CMSS1: variants seen among roughly 807,000 people sequenced by gnomAD.
CMSS1 encodes cms1 ribosomal small subunit homolog, also known as protein CMSS1.
In CMSS1, 33 loss-of-function variants were observed where a neutral mutation model predicts 43.5. The observed-to-expected ratio is 0.76, with a 90% CI of 0.57 to 1.01. CMSS1 has a LOEUF of 1.01. Ranked by LOEUF, CMSS1 falls within the 50% of genes least tolerant of loss-of-function variation. The probability of loss-of-function intolerance (pLI) is 0.00; values close to 1 mark genes in which losing one functional copy is unlikely to be tolerated. For missense variants in CMSS1, 313 were observed against 326.4 expected, an observed-to-expected ratio of 0.96 and a Z score of 0.32; for synonymous variants, 115 against 117.2, an observed-to-expected ratio of 0.98 and a Z score of 0.12.
chr3:100,108,223 C>T (rs1394239326), intron 1 of CMSS1, among the ~76,000 whole-genome samples: 1 of 152,076 alleles, frequency 6.6e-6, no homozygotes, highest in African/African-American at 2.4e-5. Context: ...CTAACTAGGT[C>T]TTGTAGCATT....
At chr3:99,956,559 C>A (rs1708325523) in intron 1 of CMSS1, among the ~76,000 whole-genome samples, 1 of 152,182 alleles carries the variant, frequency 6.6e-6, no homozygotes, top group Non-Finnish European at 1.5e-5. Context: ...GTTGGCCAGG[C>A]TAGTCTCGAA....
rs776859244 is a variant in CMSS1, at chr3:100,171,887, A to C, written c.567A>C (p.Ala189=). ...ACGGCAAAGTTATAAAATTATTTGC[A>C]AAGCACATAAAGGTAAGCAAGGGCC... ...RGDGKVIKLF[A]KHIKVQAQVK... is the part of the protein sequence containing the mutation. The change falls in exon 7 of 10, where the codon GCA becomes GCC. Residue 189 remains alanine (A), a synonymous_variant. Transcript: ENST00000421999. 2.2e-5 allele frequency: 36 copies of C among 1,613,526 alleles called. No individual in the cohort carries two copies. The highest frequency in any genetic ancestry group is 3.3e-4 in the Middle Eastern group (2 of 6,056).
intron 1 of CMSS1, among the ~76,000 whole-genome samples, chr3:100,123,436 A>G (rs1559764831): frequency 6.6e-6 from 1 of 152,224 alleles, no homozygotes; most frequent in East Asian, 1.9e-4. Context: ...GGTGCTAGGG[A>G]GTGTGAGTGT....
chr3:100,029,424 TAAA>T, intron 1 of CMSS1, among the ~76,000 whole-genome samples: 1 of 101,718 alleles, frequency 9.8e-6, no homozygotes, highest in South Asian at 3.7e-4. Context: ...AATAAAAAGC[TAAA>T]TAGTCATTCA....
At chr3:99,846,312 T>C (rs1455986173) in intron 1 of CMSS1, among the ~76,000 whole-genome samples, 4 of 152,254 alleles carry the variant, frequency 2.6e-5, no homozygotes, top group Non-Finnish European at 5.9e-5. Context: ...ACTTTGTTCT[T>C]AAATTCTGAT....
At chr3:100,162,498 G>A in intron 4 of CMSS1, 66 bp downstream of exon 4, 1 of 1,517,144 alleles carries the variant, frequency 6.6e-7, no homozygotes, top group South Asian at 1.2e-5. Context: ...ATGGTTAGGT[G>A]TCTCAGGCAG....
chr3:99,997,566 A>G (rs1402413838), intron 1 of CMSS1, among the ~76,000 whole-genome samples: 1 of 152,212 alleles, frequency 6.6e-6, no homozygotes, highest in Non-Finnish European at 1.5e-5. Flanking sequence ...CTGACTCACC[A>G]GTAATATTCA....
intron 1 of CMSS1, among the ~76,000 whole-genome samples, chr3:100,065,876 G>A (rs1379943267): frequency 6.6e-6 from 1 of 152,222 alleles, no homozygotes; most frequent in Non-Finnish European, 1.5e-5. Context: ...CTGTAAGGTA[G>A]TGGTGCTCAA....
intron 1 of CMSS1, among the ~76,000 whole-genome samples, chr3:100,029,794 A>G (rs2064991273): frequency 6.6e-6 from 1 of 152,206 alleles, no homozygotes; most frequent in Non-Finnish European, 1.5e-5. Flanking sequence ...TGAGCCTGTC[A>G]CTACGCTATA....
At chr3:100,085,935 A>G (rs1016096813) in intron 1 of CMSS1, among the ~76,000 whole-genome samples, 3 of 152,264 alleles carry the variant, frequency 2.0e-5, no homozygotes, top group African/African-American at 7.2e-5. Context: ...ATTCTTCAGC[A>G]TAAAGGTCAC....
chr3:100,042,640 T>G (rs896602739), intron 1 of CMSS1, among the ~76,000 whole-genome samples: 4 of 152,222 alleles, frequency 2.6e-5, no homozygotes, highest in Admixed American at 1.3e-4. Flanking sequence ...CAGATGATAC[T>G]GTATTTACTG....
intron 1 of CMSS1, among the ~76,000 whole-genome samples, chr3:100,097,201 T>G (rs2066225182): frequency 6.6e-6 from 1 of 152,188 alleles, no homozygotes; most frequent in African/African-American, 2.4e-5. Context: ...AAAGACTAAT[T>G]CCAGTTGCCC....
intron 1 of CMSS1, among the ~76,000 whole-genome samples, chr3:100,000,223 C>A (rs1460359835): frequency 1.3e-5 from 2 of 152,228 alleles, no homozygotes; most frequent in Non-Finnish European, 2.9e-5. Context: ...TTATCACCTC[C>A]TCAGTAATAT....
At chr3:99,983,389 A>AATATGTATATATATATATATAT (rs1553702701) in intron 1 of CMSS1, among the ~76,000 whole-genome samples, 2 of 40,786 alleles carry the variant, frequency 4.9e-5, no homozygotes, top group African/African-American at 1.0e-4. Flanking sequence ...TAAATAAATA[A>AATATGTATATATATATATATAT]ATATATATAT....
chr3:99,999,516 A>T (rs533313485), intron 1 of CMSS1, among the ~76,000 whole-genome samples: 1 of 152,356 alleles, frequency 6.6e-6, no homozygotes, highest in East Asian at 1.9e-4. Context: ...AGGTGCATGA[A>T]TATGGGAACA....
At position 99,950,033 on chromosome 3, in the gene CMSS1, T is replaced by C. The variant is rs114670017; in HGVS notation, c.64+131990T>C. 4.6e-3 allele frequency among the ~76,000 whole-genome samples: 695 copies of C among 152,320 alleles called. 2 individuals are homozygous for C. Among genetic ancestry groups the C allele is most frequent in the South Asian group, 7.0e-3 (34 of 4,826 alleles). ...TCTACCTTCGACTTTATATGTATTTTTGGCTACCTGCTAAGGAGGATTGGG... is the reference window on the plus strand; with the variant it reads ...TCTACCTTCGACTTTATATGTATTTCTGGCTACCTGCTAAGGAGGATTGGG... On this transcript the variant is annotated intron_variant, in intron 1 of 9. Transcript: ENST00000421999.
intron 1 of CMSS1, among the ~76,000 whole-genome samples, chr3:99,952,893 A>G (rs145569363): frequency 5.4e-4 from 82 of 152,306 alleles, no homozygotes; most frequent in African/African-American, 1.9e-3. Context: ...AAAGAATGCT[A>G]TAGAGGTATA....
chr3:99,960,856 A>G (rs1036391801), intron 1 of CMSS1, among the ~76,000 whole-genome samples: 5 of 152,176 alleles, frequency 3.3e-5, no homozygotes, highest in African/African-American at 1.2e-4. Flanking sequence ...CGTTGTTAAT[A>G]TTTTTAATTG....
In CMSS1 at chr3:99,907,393, G is replaced by T. The variant is rs374636684; in HGVS notation, c.64+89350G>T. Among the ~76,000 whole-genome samples, 3 of 151,888 alleles carry T rather than the reference G, an allele frequency of 2.0e-5. No individual in the cohort carries two copies. The South Asian group carries it at 6.2e-4, about 32-fold the overall frequency. On this transcript the variant is annotated intron_variant, in intron 1 of 9. Transcript: ENST00000421999. The stretch of plus-strand genomic sequence containing the variant: ...CTCCCCAACAGCTGGGACTACAGGC[G>T]CCCACCACCACGCCCAACTAATTTT...
Sources: gnomAD v4.1 joint callset for allele counts (sites outside exome capture counted in the v4.1 genomes callset) on GRCh38, gnomAD v4.1.1 for gene constraint, MANE v1.5 for transcripts, NCBI Gene and HGNC (gene_info 2026-07-23, HGNC 2026-07-21) for gene names.